The following ZRANB3 variants were observed in gnomAD, a reference collection of about 807,000 sequenced individuals.
The protein encoded by ZRANB3 is zinc finger RANBP2-type containing 3.
ZRANB3 carries 125 observed loss-of-function variants against 133.8 expected under a neutral mutation model. The ratio of observed to expected loss-of-function variants is 0.93; its 90% CI spans 0.81 to 1.08. The LOEUF is 1.08. Among genes scored for constraint, ZRANB3 ranks in the 50% least tolerant of loss-of-function variants. The probability of loss-of-function intolerance (pLI) is 0.00; values close to 1 mark genes in which losing one functional copy is unlikely to be tolerated. For missense variants in ZRANB3, 1,229 were observed against 1,275.5 expected, an observed-to-expected ratio of 0.96 and a Z score of 0.56; for synonymous variants, 387 against 432.7, an observed-to-expected ratio of 0.89 and a Z score of 1.31.
intron 2 of ZRANB3, among the ~76,000 whole-genome samples, chr2:135,405,182 A>G (rs1409910958): frequency 6.6e-6 from 1 of 152,216 alleles, no homozygotes; most frequent in African/African-American, 2.4e-5. Context: ...AGTCTCTGAT[A>G]AAGCAGACTT....
chr2:135,386,640 C>T (rs1574016685), intron 3 of ZRANB3, among the ~76,000 whole-genome samples: 1 of 152,174 alleles, frequency 6.6e-6, no homozygotes, highest in Non-Finnish European at 1.5e-5. Flanking sequence ...GGCACATATA[C>T]ACCATGGAAT....
intron 1 of ZRANB3, among the ~76,000 whole-genome samples, chr2:135,517,147 C>T (rs1385459399): frequency 1.3e-5 from 2 of 151,974 alleles, no homozygotes; most frequent in Admixed American, 1.3e-4. Context: ...CTTCTCTAAA[C>T]TGGTTATTGT....
chr2:135,311,507 G>C (rs1682972235), intron 8 of ZRANB3, among the ~76,000 whole-genome samples: 1 of 151,676 alleles, frequency 6.6e-6, no homozygotes, highest in Non-Finnish European at 1.5e-5. Flanking sequence ...GCCTGTACAT[G>C]AATGATTATA....
chr2:135,351,251 A>G (rs1478796601), intron 4 of ZRANB3, among the ~76,000 whole-genome samples: 1 of 150,764 alleles, frequency 6.6e-6, no homozygotes, highest in East Asian at 2.0e-4. Context: ...CTTAATACAG[A>G]GACCTATAAT....
chr2:135,308,207 G>T (rs981161238), intron 8 of ZRANB3, among the ~76,000 whole-genome samples: 1 of 152,074 alleles, frequency 6.6e-6, no homozygotes, highest in East Asian at 1.9e-4. Context: ...CTCTACCCTG[G>T]CAGTAACAGA....
chr2:135,248,922 A>ACAAC lies in ZRANB3; in HGVS notation c.1539+16611_1539+16612insGTTG, dbSNP rs111804255. Among the ~76,000 whole-genome samples, 450 of 152,220 alleles carry ACAAC rather than the reference A, an allele frequency of 3.0e-3. 2 individuals carry two copies. The highest frequency in any genetic ancestry group is 0.01 in the African/African-American group (419 of 41,550). ...CTCTGTCTCAACAACAACAACAACA[A>ACAAC]AAAAAAGTAGGCAAAGGAAATGAAC... On this transcript the variant is annotated intron_variant, in intron 12 of 20. Transcript: ENST00000264159.
chr2:135,201,789 A>T (rs539829513), intron 20 of ZRANB3, among the ~76,000 whole-genome samples: 6 of 152,330 alleles, frequency 3.9e-5, no homozygotes, highest in African/African-American at 1.2e-4. Flanking sequence ...TGTCTTTAGC[A>T]AACAAAACAA....
At chr2:135,430,155 G>A (rs1388809266) in intron 2 of ZRANB3, among the ~76,000 whole-genome samples, 1 of 151,746 alleles carries the variant, frequency 6.6e-6, no homozygotes, top group Non-Finnish European at 1.5e-5. Flanking sequence ...CAGCATGCGT[G>A]ACAGAGCAAG....
At chr2:135,445,275 C>G (rs1689966851) in intron 2 of ZRANB3, among the ~76,000 whole-genome samples, 1 of 151,928 alleles carries the variant, frequency 6.6e-6, no homozygotes, top group Non-Finnish European at 1.5e-5. Flanking sequence ...GAAACCCCAT[C>G]TCTACTAAAA....
At chr2:135,346,057 C>T (rs1284273733) in intron 5 of ZRANB3, among the ~76,000 whole-genome samples, 1 of 152,150 alleles carries the variant, frequency 6.6e-6, no homozygotes, top group Non-Finnish European at 1.5e-5. Context: ...TAAACAGACT[C>T]GTGATATTGG....
At chr2:135,278,310 TGA>T (rs1680935927) in intron 8 of ZRANB3, among the ~76,000 whole-genome samples, 2 of 152,138 alleles carry the variant, frequency 1.3e-5, no homozygotes, top group Admixed American at 6.5e-5. Flanking sequence ...ATACCAGAAA[TGA>T]GAGAAAATGA....
chr2:135,246,356 T>C (rs944469097), intron 12 of ZRANB3, among the ~76,000 whole-genome samples: 37 of 152,220 alleles, frequency 2.4e-4, no homozygotes, highest in African/African-American at 8.9e-4. Context: ...ATGCTTCTAA[T>C]GACTTTTCTG....
chr2:135,418,925 C>CTTTTTTTTTTTTTTTTTTTTTTTTTTT (rs769271961), intron 2 of ZRANB3, among the ~76,000 whole-genome samples: 3 of 85,900 alleles, frequency 3.5e-5, no homozygotes, highest in African/African-American at 9.0e-5. Context: ...AGGATTCTCT[C>CTTTTTTTTTTTTTTTTTTTTTTTTTTT]TTTTTTTTTT....
chr2:135,367,731 GCAATGTCAC>G (rs1238306149), intron 3 of ZRANB3, among the ~76,000 whole-genome samples: 1 of 152,052 alleles, frequency 6.6e-6, no homozygotes, highest in East Asian at 1.9e-4. Context: ...TCCCTATAAT[GCAATGTCAC>G]CATGATCTCC....
chr2:135,485,860 T>G (rs1185369636), intron 2 of ZRANB3, among the ~76,000 whole-genome samples: 1 of 152,254 alleles, frequency 6.6e-6, no homozygotes, highest in Admixed American at 6.5e-5. Context: ...AGAGTTGTAA[T>G]CTTTTTGGAT....
intron 12 of ZRANB3, among the ~76,000 whole-genome samples, chr2:135,231,966 C>T (rs534432796): frequency 6.6e-6 from 1 of 152,312 alleles, no homozygotes; most frequent in East Asian, 1.9e-4. Context: ...GTGCAGCGCA[C>T]TGAGCATTAG....
At chr2:135,392,741 C>T (rs1047081736) in intron 2 of ZRANB3, among the ~76,000 whole-genome samples, 1 of 152,058 alleles carries the variant, frequency 6.6e-6, no homozygotes, top group African/African-American at 2.4e-5. Context: ...GAGTGAGACT[C>T]CGTCTCAAAA....
At chr2:135,229,580 G>C (rs1468063034) in intron 13 of ZRANB3, among the ~76,000 whole-genome samples, 1 of 151,926 alleles carries the variant, frequency 6.6e-6, no homozygotes, top group East Asian at 1.9e-4. Context: ...TGTTAGCCAG[G>C]ATGGTCTCGA....
chr2:135,265,681 T>A lies in ZRANB3; in HGVS notation c.1392A>T (p.Gln464His), dbSNP rs1227852299. Residue 464 changes from glutamine to histidine, a missense_variant, in exon 12 of 21, where the codon CAA (glutamine) becomes CAT (histidine). Physicochemically the swap from Gln to His is conservative, Grantham distance 24 (BLOSUM62 0). Coordinates refer to ENST00000264159, the MANE Select transcript of ZRANB3 (RefSeq NM_032143.4). ...TACCGTTCAGTGTGCTCCCTGTAACTTGAGCCTACAAGAGGAAAAAGTAAA... is the reference window on the plus strand; with the variant it reads ...TACCGTTCAGTGTGCTCCCTGTAACATGAGCCTACAAGAGGAAAAAGTAAA... Reference protein sequence around the residue: ...LMWGMLNRKAQVTGSTLNGRK... With the variant: ...LMWGMLNRKAHVTGSTLNGRK... 6.2e-7 allele frequency: 1 copy of A among 1,612,088 alleles called. No individual in the cohort carries two copies. The highest frequency in any genetic ancestry group is 8.5e-7 in the Non-Finnish European group (1 of 1,179,238).
Sources: allele counts gnomAD v4.1 joint callset (sites outside exome capture counted in the v4.1 genomes callset), GRCh38; gene constraint gnomAD v4.1.1; transcripts MANE v1.5; gene names NCBI Gene and HGNC (gene_info 2026-07-23, HGNC 2026-07-21).